The following ESR2 variants were observed in gnomAD, a reference collection of about 807,000 sequenced individuals.
ESR2 encodes the protein estrogen receptor beta.
Under a neutral mutation model 49.6 loss-of-function variants are expected in ESR2, and 36 were observed. The ratio of observed to expected loss-of-function variants is 0.73; its 90% CI spans 0.56 to 0.96. ESR2 has a LOEUF of 0.96. ESR2 is among the 40% of genes least tolerant of loss of function. The pLI, the probability that ESR2 is intolerant of heterozygous loss-of-function variation, is 0.00. For missense variants in ESR2, 714 were observed against 693.0 expected (o/e 1.03, Z -0.34); for synonymous variants, 320 against 266.1 (o/e 1.20, Z -1.97).
chr14:64,234,756 G>T, intron 8 of ESR2: 1 of 1,076,350 alleles, frequency 9.3e-7, no homozygotes, highest in Non-Finnish European at 1.3e-6. Flanking sequence ...ACCACTGGCT[G>T]CCATGCAGAG....
intron 1 of ESR2, among the ~76,000 whole-genome samples, chr14:64,308,846 T>C (rs1396016354): frequency 2.0e-5 from 3 of 152,114 alleles, no homozygotes; most frequent in Non-Finnish European, 4.4e-5. Context: ...GGTGCTAGCA[T>C]AGCTCATTGT....
At chr14:64,288,779 G>C (rs2076822530) in intron 1 of ESR2, among the ~76,000 whole-genome samples, 1 of 151,426 alleles carries the variant, frequency 6.6e-6, no homozygotes, top group Non-Finnish European at 1.5e-5. Context: ...CTGAAATCAG[G>C]AGTTCGGGAC....
rs148179737 is a variant in ESR2, at chr14:64,233,090, G to A, written c.*47C>T. ...AGGCTCCTGACACACTGGAGTTCAC[G>A]CTTCAGCCTGTGACCTCTGTGGGCC... On this transcript the variant is annotated 3_prime_UTR_variant, in exon 9 of 9. Transcript: ENST00000341099. 518 of 1,586,274 alleles carry A rather than the reference G, an allele frequency of 3.3e-4. 1 individual carries two copies. In the African/African-American group the frequency reaches 4.3e-3, roughly 13 times the overall value.
intron 7 of ESR2, among the ~76,000 whole-genome samples, chr14:64,248,429 A>T (rs566118191): frequency 2.7e-5 from 4 of 147,556 alleles, no homozygotes; most frequent in African/African-American, 1.0e-4. Context: ...GGATCACTTG[A>T]GCTCAGTACT....
intron 1 of ESR2, among the ~76,000 whole-genome samples, chr14:64,293,773 T>C (rs1206239069): frequency 6.6e-6 from 1 of 152,192 alleles, no homozygotes; most frequent in Non-Finnish European, 1.5e-5. Flanking sequence ...CATAGGGAAA[T>C]AAAATGTTTT....
chr14:64,269,405 A>G (rs1471111299), intron 3 of ESR2, among the ~76,000 whole-genome samples: 1 of 152,250 alleles, frequency 6.6e-6, no homozygotes. Flanking sequence ...AAGTACTGCT[A>G]TTGACAAGAG....
At chr14:64,260,870 G>T in intron 4 of ESR2, 122 bp from the exon 5 acceptor site, 1 of 878,908 alleles carries the variant, frequency 1.1e-6, no homozygotes, top group Non-Finnish European at 1.6e-6. Context: ...GGTCGTGACC[G>T]TACTAGCAAA....
intron 1 of ESR2, among the ~76,000 whole-genome samples, chr14:64,289,589 G>A (rs1014852948): frequency 1.3e-5 from 2 of 152,052 alleles, no homozygotes; most frequent in Non-Finnish European, 2.9e-5. Flanking sequence ...CCAAGAAGAT[G>A]AAGCCAGTCT....
At chr14:64,285,021 T>C (rs1368562073) in intron 1 of ESR2, among the ~76,000 whole-genome samples, 1 of 152,056 alleles carries the variant, frequency 6.6e-6, no homozygotes, top group Non-Finnish European at 1.5e-5. Context: ...AGCTAACTTT[T>C]TGTATTTTTA....
chr14:64,227,865 G>T (rs1379130106), downstream of ESR2: 1 of 1,595,434 alleles, frequency 6.3e-7, no homozygotes, highest in African/African-American at 1.3e-5. Flanking sequence ...CACATGCAAG[G>T]GACATTTTCA....
chr14:64,296,043 C>CAAAAAA (rs34335763), upstream of ESR2, among the ~76,000 whole-genome samples: 9 of 89,232 alleles, frequency 1.0e-4, no homozygotes, highest in East Asian at 4.0e-4. Context: ...GACTCTGTCT[C>CAAAAAA]AAAAAAAAAA....
rs190205981 is a variant in ESR2, at chr14:64,299,520, C to T, written c.-90-16445G>A. On this transcript the variant is annotated intron_variant, in intron 1 of 8. Transcript: ENST00000358599. ...GACTACAGGCACCCACCACCACACC[C>T]GGCTAATTTTTTTGTATTTTTTTAG... is the stretch of plus-strand genomic sequence containing the variant. Among the ~76,000 whole-genome samples the T allele has an allele frequency of 6.6e-5, 10 of 152,016 alleles. No individual in the cohort carries two copies. In the East Asian group the frequency reaches 1.9e-3, roughly 29 times the overall value.
chr14:64,302,131 G>A (rs1282323534), intron 1 of ESR2, among the ~76,000 whole-genome samples: 2 of 151,434 alleles, frequency 1.3e-5, no homozygotes, highest in African/African-American at 4.8e-5. Flanking sequence ...GGTCATAAGA[G>A]TCACCTGGGT....
At chr14:64,267,295 A>C (rs1050476946) in intron 4 of ESR2, among the ~76,000 whole-genome samples, 3 of 152,224 alleles carry the variant, frequency 2.0e-5, no homozygotes, top group Non-Finnish European at 4.4e-5. Flanking sequence ...AACAGGTTTG[A>C]AAAGAAGCCC....
intron 5 of ESR2, 118 bp from the exon 6 acceptor site, chr14:64,257,482 A>G: frequency 7.8e-7 from 1 of 1,285,002 alleles, no homozygotes; most frequent in Non-Finnish European, 1.1e-6. Context: ...TAGGGAGTTG[A>G]TATTTTATAG....
chr14:64,305,408 C>T (rs1004625840), intron 1 of ESR2, among the ~76,000 whole-genome samples: 2 of 151,948 alleles, frequency 1.3e-5, no homozygotes, highest in African/African-American at 4.8e-5. Flanking sequence ...CAGTGGCTCA[C>T]GCCTGTAATC....
chr14:64,308,371 G>A (rs1026294753), intron 1 of ESR2, among the ~76,000 whole-genome samples: 1 of 152,090 alleles, frequency 6.6e-6, no homozygotes, highest in African/African-American at 2.4e-5. Flanking sequence ...CTATTTTATT[G>A]TATCTCACAA....
chr14:64,304,141 C>T (rs2077061223), intron 1 of ESR2, among the ~76,000 whole-genome samples: 1 of 152,200 alleles, frequency 6.6e-6, no homozygotes, highest in Non-Finnish European at 1.5e-5. Context: ...AAAACTCCAT[C>T]TCTACAAAAA....
rs898900981 is a variant in ESR2, at chr14:64,232,608, T to C, written c.*529A>G. The C allele has an allele frequency of 1.3e-5, 2 of 152,948 alleles. No homozygotes were observed. The highest frequency in any genetic ancestry group is 4.8e-5 in the African/African-American group (2 of 41,432). 9.5% of individuals were successfully genotyped at this position (152,948 alleles called of 1,614,324 possible). Reference sequence around the variant, plus strand: ...TTGACAGAATAAGCATCATATGATATGATCAGTCCCCACAGGCCTGGGAGG... The same window carrying C: ...TTGACAGAATAAGCATCATATGATACGATCAGTCCCCACAGGCCTGGGAGG... On this transcript the variant is annotated 3_prime_UTR_variant, in exon 9 of 9. Coordinates refer to ENST00000341099, the MANE Select transcript of ESR2 (RefSeq NM_001437.3).
Sources: gnomAD v4.1 joint callset for allele counts (sites outside exome capture counted in the v4.1 genomes callset) on GRCh38, gnomAD v4.1.1 for gene constraint, MANE v1.5 for transcripts, NCBI Gene and HGNC (gene_info 2026-07-23, HGNC 2026-07-21) for gene names.